ARID3B: variants seen among roughly 807,000 people sequenced by gnomAD.
ARID3B encodes AT-rich interaction domain 3B.
A neutral mutation model predicts 51.9 loss-of-function variants in ARID3B; 10 were observed. The ratio of observed to expected loss-of-function variants is 0.19; its 90% CI spans 0.12 to 0.33. ARID3B has a LOEUF of 0.33. Ranked by LOEUF, ARID3B falls within the 10% of genes least tolerant of loss-of-function variation. The pLI, the probability that ARID3B is intolerant of heterozygous loss-of-function variation, is 1.00. For missense variants in ARID3B, 483 were observed against 716.3 expected (o/e 0.67, Z 3.72); for synonymous variants, 205 against 279.5 (o/e 0.73, Z 2.66).
chr15:74,583,031 CA>C (rs563528666), intron 4 of ARID3B, among the ~76,000 whole-genome samples: 5,307 of 102,776 alleles, frequency 0.052, 110 homozygotes, highest in Middle Eastern at 0.16. Context: ...CCATCTCTAC[CA>C]AAAAAAAAAA....
In ARID3B at chr15:74,596,692, T is replaced by G; in HGVS notation, c.*918T>G. Reference sequence around the variant, plus strand: ...CTCACCATCCCCACACGTGCCGATGTCAGGTTCATTGAAATACCTCAGATT... The same window carrying G: ...CTCACCATCCCCACACGTGCCGATGGCAGGTTCATTGAAATACCTCAGATT... On this transcript the variant is annotated 3_prime_UTR_variant, in exon 9 of 9. Coordinates refer to ENST00000346246, the MANE Select transcript of ARID3B (RefSeq NM_006465.4). 1 of 233,760 alleles carries G rather than the reference T, an allele frequency of 4.3e-6. No homozygotes were observed. 14.5% of individuals were successfully genotyped at this position (233,760 alleles called of 1,614,324 possible). A position where few individuals can be genotyped will look rare whatever the true frequency, so the allele number is the denominator to read the frequency against.
chr15:74,571,851 C>G (rs532756438), intron 2 of ARID3B, among the ~76,000 whole-genome samples: 6 of 152,316 alleles, frequency 3.9e-5, no homozygotes, highest in African/African-American at 1.4e-4. Flanking sequence ...TGCCTGTAAT[C>G]CCAGCACTTT....
rs1287690696 is a variant in ARID3B, at chr15:74,596,116, G to A, written c.*342G>A. On this transcript the variant is annotated 3_prime_UTR_variant, in exon 9 of 9. Transcript: ENST00000346246. ...ATCTGTCAGCCGACGCAGGGCTGGA[G>A]GCCCTCCATTTCCCTCCCCTTTTAA... 8 of 297,354 alleles carry A rather than the reference G, an allele frequency of 2.7e-5. No homozygotes were observed. Among genetic ancestry groups the A allele is most frequent in the Admixed American group, 1.5e-4 (3 of 19,756 alleles). 18.4% of individuals were successfully genotyped at this position (297,354 alleles called of 1,614,324 possible).
intron 4 of ARID3B, among the ~76,000 whole-genome samples, chr15:74,586,697 C>T (rs1374123738): frequency 6.6e-6 from 1 of 152,120 alleles, no homozygotes; most frequent in Non-Finnish European, 1.5e-5. Context: ...AGTGAGACCT[C>T]GAGAAACATT....
intron 4 of ARID3B, among the ~76,000 whole-genome samples, chr15:74,578,629 C>T (rs1323369059): frequency 6.6e-6 from 1 of 152,120 alleles, no homozygotes. Context: ...GACTTGGCCT[C>T]CATAGCTAAT....
chr15:74,581,844 T>C (rs977730852), intron 4 of ARID3B, among the ~76,000 whole-genome samples: 6 of 152,248 alleles, frequency 3.9e-5, no homozygotes, highest in African/African-American at 1.4e-4. Flanking sequence ...GCCTCTTTTG[T>C]CCCAAAGTGA....
rs577204242 is a variant in ARID3B at position 74,554,299 on chromosome 15, A to G, written c.552+9811A>G. Among the ~76,000 whole-genome samples, 11 of 148,506 alleles carry G rather than the reference A, an allele frequency of 7.4e-5. No individual in the cohort carries two copies. In the East Asian group the frequency reaches 2.1e-3, roughly 28 times the overall value. ...GCTGAGATTACAGGCATGAGCCACCATGCCCAGCCCTGTTTGTTTTTGAGA... is the reference window on the plus strand; with the variant it reads ...GCTGAGATTACAGGCATGAGCCACCGTGCCCAGCCCTGTTTGTTTTTGAGA... On this transcript the variant is annotated intron_variant, in intron 2 of 8. Transcript: ENST00000346246.
At chr15:74,568,141 A>G (rs1225624382) in intron 2 of ARID3B, among the ~76,000 whole-genome samples, 1 of 152,200 alleles carries the variant, frequency 6.6e-6, no homozygotes, top group Non-Finnish European at 1.5e-5. Context: ...ACCGCCAGAT[A>G]ACTCTCCTGG....
chr15:74,580,168 A>G (rs1596261323), intron 4 of ARID3B, among the ~76,000 whole-genome samples: 1 of 152,166 alleles, frequency 6.6e-6, no homozygotes, highest in African/African-American at 2.4e-5. Context: ...GAGCAACAGA[A>G]TGAGACTGTC....
chr15:74,549,916 A>G (rs1337360387), intron 2 of ARID3B, among the ~76,000 whole-genome samples: 2 of 152,236 alleles, frequency 1.3e-5, no homozygotes, highest in Non-Finnish European at 2.9e-5. Context: ...ACAGCCCCCC[A>G]ACAGCAAAGA....
In ARID3B at chr15:74,541,243, C is replaced by G. The variant is rs1348832847; in HGVS notation, c.-165C>G. ...GCCCCGCCCCGGCTGTGGCCCCCGG[C>G]TGCGGAGGAGTCCGAGACGCAGCTG... On this transcript the variant is annotated 5_prime_UTR_variant, in exon 1 of 9. Coordinates refer to ENST00000346246, the MANE Select transcript of ARID3B (RefSeq NM_006465.4). 6.6e-6 allele frequency: 1 copy of G among 151,836 alleles called. No homozygotes were observed. Among genetic ancestry groups the G allele is most frequent in the Non-Finnish European group, 1.5e-5 (1 of 67,956 alleles). The allele number at this position is 151,836 out of a possible 1,614,324, so 9.4% of individuals were successfully genotyped here. A position where few individuals can be genotyped will look rare whatever the true frequency, so the allele number is the denominator to read the frequency against.
chr15:74,573,064 T>C, intron 3 of ARID3B, 68 bp from the exon 4 acceptor site: 2 of 1,595,430 alleles, frequency 1.3e-6, no homozygotes, highest in South Asian at 2.2e-5. Flanking sequence ...TCATAGTATA[T>C]CTGGTATAAG....
Position 74,544,270 on chromosome 15 carries a change from G to C in ARID3B, c.334G>C (p.Glu112Gln). The C allele has an allele frequency of 6.2e-7, 1 of 1,614,220 alleles. No homozygotes were observed. Among genetic ancestry groups the C allele is most frequent in the Middle Eastern group, 1.7e-4 (1 of 6,060 alleles). ...GGATGATGAAGTTGCAGAGGTGGCT[G>C]AGAAAGAAACCCAGGCTGCTTCAAA... Reference protein sequence around the residue: ...DGDDEVAEVAEKETQAASKYF... With the variant: ...DGDDEVAEVAQKETQAASKYF... The change falls in exon 2 of 9, where the codon GAG becomes CAG. Residue 112 changes from glutamate (E) to glutamine (Q), a missense_variant. Coordinates refer to ENST00000346246, the MANE Select transcript of ARID3B (RefSeq NM_006465.4).
intron 2 of ARID3B, among the ~76,000 whole-genome samples, chr15:74,554,240 C>G (rs2061648466): frequency 6.6e-6 from 1 of 151,822 alleles, no homozygotes; most frequent in South Asian, 2.1e-4. Flanking sequence ...ATCTCCTGAC[C>G]TCAGGTGATC....
intron 2 of ARID3B, among the ~76,000 whole-genome samples, chr15:74,567,088 G>A (rs2141461244): frequency 6.6e-6 from 1 of 152,152 alleles, no homozygotes; most frequent in East Asian, 1.9e-4. Context: ...TTCCTGTCCA[G>A]AAAACATCCA....
At chr15:74,559,679 T>C (rs1351794370) in intron 2 of ARID3B, among the ~76,000 whole-genome samples, 1 of 152,104 alleles carries the variant, frequency 6.6e-6, no homozygotes, top group Non-Finnish European at 1.5e-5. Flanking sequence ...AGGAGAAAAA[T>C]AATCTTTCCT....
rs775731174 is a variant in ARID3B, at chr15:74,591,846, C to T, written c.1420+32C>T. 1 of 1,599,986 alleles carries T rather than the reference C, an allele frequency of 6.3e-7. No individual in the cohort carries two copies. The highest frequency in any genetic ancestry group is 8.5e-7 in the Non-Finnish European group (1 of 1,170,862). On this transcript the variant is annotated intron_variant, in intron 7 of 8. Transcript: ENST00000346246. The surrounding 1 kb of genome is among the most constrained non-coding windows in gnomAD (Gnocchi z 5.8). ...CAGGCTCAGGGCCGGGCCTTCCCTT[C>T]CTGGAAACCCCAAGCCCATTCACGC...
chr15:74,566,545 G>A (rs1016369160), intron 2 of ARID3B, among the ~76,000 whole-genome samples: 2 of 151,584 alleles, frequency 1.3e-5, no homozygotes, highest in East Asian at 1.9e-4. Context: ...GGAGGTTGTA[G>A]TGAGCCCAGA....
At chr15:74,570,939 G>T (rs921689718) in intron 2 of ARID3B, among the ~76,000 whole-genome samples, 1 of 152,118 alleles carries the variant, frequency 6.6e-6, no homozygotes, top group African/African-American at 2.4e-5. Context: ...TGTGCTGAAG[G>T]TGCTGTAGGA....
Sources: gnomAD v4.1 joint callset for allele counts (sites outside exome capture counted in the v4.1 genomes callset) on GRCh38, gnomAD v4.1.1 for gene constraint, Gnocchi (gnomAD v3.1) non-coding constraint, MANE v1.5 for transcripts, NCBI Gene and HGNC (gene_info 2026-07-23, HGNC 2026-07-21) for gene names.